Variants in CCSER1 observed in about 807,000 individuals in gnomAD.
CCSER1 encodes the protein serine-rich coiled-coil domain-containing protein 1.
Under a neutral mutation model 82.0 loss-of-function variants are expected in CCSER1, and 41 were observed. The observed-to-expected ratio is 0.50, with a 90% CI of 0.39 to 0.65. The LOEUF is 0.65. Among genes scored for constraint, CCSER1 ranks in the 30% least tolerant of loss-of-function variants. The pLI is 0.00. For missense variants in CCSER1, 1,119 were observed against 1,064.2 expected (o/e 1.05, Z -0.72); for synonymous variants, 414 against 383.9 (o/e 1.08, Z -0.92).
In CCSER1 at chr4:90,606,973, G is replaced by A. The variant is rs551801491; in HGVS notation, c.1725-21052G>A. ...TTTTGGCCTGAAGGTATTTTCATAA[G>A]TTCCCTATTTATATGTTGTTGATGA... is the stretch of plus-strand genomic sequence containing the variant. On this transcript the variant is annotated intron_variant, in intron 5 of 10. Transcript: ENST00000509176. Among the ~76,000 whole-genome samples the A allele has an allele frequency of 4.7e-4, 72 of 152,110 alleles. 1 individual carries two copies. Among genetic ancestry groups the A allele is most frequent in the Non-Finnish European group, 4.7e-4 (32 of 68,012 alleles).
At chr4:91,474,524 CA>C (rs1757457945) in intron 10 of CCSER1, among the ~76,000 whole-genome samples, 2 of 151,228 alleles carry the variant, frequency 1.3e-5, no homozygotes, top group Non-Finnish European at 3.0e-5. Flanking sequence ...ATGATTACAT[CA>C]ATTTTTTAAA....
intron 3 of CCSER1, among the ~76,000 whole-genome samples, chr4:90,364,804 C>G (rs1242727014): frequency 1.3e-5 from 2 of 151,704 alleles, no homozygotes; most frequent in Non-Finnish European, 3.0e-5. Flanking sequence ...ATGTGGAGCT[C>G]ACACTGAAAA....
At chr4:90,908,548 C>A (rs1460859414) in intron 8 of CCSER1, among the ~76,000 whole-genome samples, 1 of 151,786 alleles carries the variant, frequency 6.6e-6, no homozygotes, top group Non-Finnish European at 1.5e-5. Flanking sequence ...ATTTAGTATG[C>A]TAAATATGTT....
At chr4:90,444,847 A>C (rs1320103373) in intron 4 of CCSER1, among the ~76,000 whole-genome samples, 1 of 152,048 alleles carries the variant, frequency 6.6e-6, no homozygotes, top group Admixed American at 6.6e-5. Context: ...CTTTTAACTG[A>C]AAATAAGAAC....
At chr4:90,910,890 G>A (rs1465494796) in intron 8 of CCSER1, among the ~76,000 whole-genome samples, 1 of 152,100 alleles carries the variant, frequency 6.6e-6, no homozygotes, top group Non-Finnish European at 1.5e-5. Flanking sequence ...TAACACTTGT[G>A]GGTCCCAGGC....
chr4:91,162,704 T>G (rs1395097241), intron 10 of CCSER1, among the ~76,000 whole-genome samples: 1 of 152,212 alleles, frequency 6.6e-6, no homozygotes, highest in Admixed American at 6.5e-5. Context: ...CTAGGTTTTG[T>G]AGTTTATTTG....
chr4:91,314,062 T>A (rs564211451), intron 10 of CCSER1, among the ~76,000 whole-genome samples: 188 of 152,112 alleles, frequency 1.2e-3, no homozygotes, highest in African/African-American at 4.2e-3. Context: ...CAAAACGGAA[T>A]TCCTTATCGT....
intron 10 of CCSER1, among the ~76,000 whole-genome samples, chr4:91,127,802 A>C (rs1181523509): frequency 1.3e-5 from 2 of 152,068 alleles, no homozygotes; most frequent in African/African-American, 4.8e-5. Context: ...TCAATCTAGC[A>C]AATAGTTATT....
intron 7 of CCSER1, among the ~76,000 whole-genome samples, chr4:90,746,060 A>G (rs760322744): frequency 8.6e-5 from 13 of 152,042 alleles, no homozygotes; most frequent in Non-Finnish European, 1.5e-4. Context: ...CTTTCCATTT[A>G]GTGCCCAATT....
chr4:91,291,057 A>T (rs1020129997), intron 10 of CCSER1, among the ~76,000 whole-genome samples: 8 of 151,096 alleles, frequency 5.3e-5, no homozygotes, highest in Admixed American at 1.3e-4. Flanking sequence ...ATTAAAATCA[A>T]TTTTTTCTTT....
rs527573843 is a variant in CCSER1 at position 91,572,414 on chromosome 4, C to A, written c.2218-26158C>A. ...GTGAGGAGGAATGGGATCAGGGACCCACTTAAAAAATCAGTCTGGCCACTG... is the reference window on the plus strand; with the variant it reads ...GTGAGGAGGAATGGGATCAGGGACCAACTTAAAAAATCAGTCTGGCCACTG... On this transcript the variant is annotated intron_variant, in intron 10 of 10. Transcript: ENST00000509176. Among the ~76,000 whole-genome samples, 20 of 152,132 alleles carry A rather than the reference C, an allele frequency of 1.3e-4. No individual in the cohort carries two copies. In the East Asian group the frequency reaches 3.3e-3, roughly 25 times the overall value.
chr4:90,510,696 A>C (rs896732114), intron 5 of CCSER1, among the ~76,000 whole-genome samples: 2 of 152,232 alleles, frequency 1.3e-5, no homozygotes, highest in Admixed American at 6.5e-5. Context: ...TGCTGCTGCC[A>C]TGAGCAGCCA....
chr4:90,919,279 AAG>A (rs1366459650), intron 8 of CCSER1, among the ~76,000 whole-genome samples: 5 of 151,886 alleles, frequency 3.3e-5, no homozygotes, highest in Non-Finnish European at 5.9e-5. Context: ...AGCTTTTTAA[AAG>A]AGTTATAGTA....
chr4:90,398,490 A>G (rs1752357686), intron 3 of CCSER1, among the ~76,000 whole-genome samples: 1 of 152,242 alleles, frequency 6.6e-6, no homozygotes, highest in African/African-American at 2.4e-5. Context: ...AGTGTGTTTG[A>G]TAAACACTCA....
At chr4:91,588,604 T>C (rs928355121) in intron 10 of CCSER1, among the ~76,000 whole-genome samples, 1 of 151,752 alleles carries the variant, frequency 6.6e-6, no homozygotes, top group Non-Finnish European at 1.5e-5. Context: ...TTTATATTTC[T>C]ATATATGTTA....
At position 90,309,435 on chromosome 4, in the gene CCSER1, C is replaced by A. The variant is rs1734901702; in HGVS notation, c.1151C>A (p.Thr384Lys). The A allele has an allele frequency of 1.9e-6, 3 of 1,613,790 alleles. No homozygotes were observed. Among genetic ancestry groups the A allele is most frequent in the East Asian group, 2.2e-5 (1 of 44,862 alleles). Residue 384 changes from threonine (T) to lysine (K), a missense_variant, in exon 2 of 11, where the codon ACA becomes AAA. Physicochemically the swap from Thr to Lys is moderately conservative, Grantham distance 78. Coordinates refer to ENST00000509176, the MANE Select transcript of CCSER1 (RefSeq NM_001145065.2). ...AATATAGGGTTACAAAATGGTGAAA[C>A]AATGCTGGGGACAAACTCCCCAAGG... The part of the protein sequence containing the change: ...EENIGLQNGE[T>K]MLGTNSPRKL...
chr4:91,524,640 C>G (rs1331149690), intron 10 of CCSER1, among the ~76,000 whole-genome samples: 1 of 152,190 alleles, frequency 6.6e-6, no homozygotes, highest in South Asian at 2.1e-4. Context: ...GAGAAGGGAA[C>G]CTTGCAGTAG....
rs1450544774 is a variant in CCSER1, at chr4:90,932,978, GAA to G, written c.2172+9533_2172+9534del. On this transcript the variant is annotated intron_variant, in intron 9 of 10. Transcript: ENST00000509176. ...AGAAAGAAAGAAAGAAAGAAAGAAA[GAA>G]AGAGAAAGAAAGAAAGAAAGAAAGA... Among the ~76,000 whole-genome samples the G allele has an allele frequency of 2.1e-3, 58 of 27,948 alleles. 9 individuals carry two copies. The highest frequency in any genetic ancestry group is 2.5e-3 in the Non-Finnish European group (40 of 15,872). 18.3% of individuals were successfully genotyped at this position (27,948 alleles called of 152,430 possible). A position where few individuals can be genotyped will look rare whatever the true frequency, so the allele number is the denominator to read the frequency against.
At chr4:91,562,605 A>G (rs1762705865) in intron 10 of CCSER1, among the ~76,000 whole-genome samples, 1 of 151,530 alleles carries the variant, frequency 6.6e-6, no homozygotes. Context: ...TTGTAGACCC[A>G]CTTAGACTCT....
Sources: allele counts gnomAD v4.1 joint callset (sites outside exome capture counted in the v4.1 genomes callset), GRCh38; gene constraint gnomAD v4.1.1; transcripts MANE v1.5; gene names NCBI Gene and HGNC (gene_info 2026-07-23, HGNC 2026-07-21).